ALK: variants seen among roughly 807,000 people sequenced by gnomAD.
ALK encodes ALK receptor tyrosine kinase.
Under a neutral mutation model 163.1 loss-of-function variants are expected in ALK, and 74 were observed. That is an observed-to-expected ratio of 0.45 (90% CI 0.38 to 0.55). The LOEUF (loss-of-function observed/expected upper bound fraction) is 0.55. Among genes scored for constraint, ALK ranks in the 20% least tolerant of loss-of-function variants. ALK has a pLI of 0.00. For missense variants in ALK, 2,063 were observed against 2,105.3 expected (o/e 0.98, Z 0.39); for synonymous variants, 960 against 843.2 (o/e 1.14, Z -2.40).
intron 7 of ALK, among the ~76,000 whole-genome samples, chr2:29,318,756 C>A (rs1054159013): frequency 6.6e-6 from 1 of 152,004 alleles, no homozygotes; most frequent in Non-Finnish European, 1.5e-5. Context: ...TTAGTAGAGA[C>A]GGGGTTTCAC....
At chr2:29,491,726 T>C (rs1671907329) in intron 4 of ALK, among the ~76,000 whole-genome samples, 1 of 152,306 alleles carries the variant, frequency 6.6e-6, no homozygotes, top group African/African-American at 2.4e-5. Flanking sequence ...CGTGTGTCCT[T>C]CTTTAACTGA....
At chr2:29,522,162 C>G (rs951752009) in intron 4 of ALK, among the ~76,000 whole-genome samples, 2 of 152,168 alleles carry the variant, frequency 1.3e-5, no homozygotes, top group African/African-American at 4.8e-5. Context: ...GGAGCAGGGA[C>G]AGTGGAGCTG....
intron 3 of ALK, among the ~76,000 whole-genome samples, chr2:29,574,990 A>T (rs1200525044): frequency 6.6e-6 from 1 of 152,310 alleles, no homozygotes; most frequent in East Asian, 1.9e-4. Flanking sequence ...AGGCAGGCAC[A>T]ACCAGCGGCA....
chr2:29,888,750 T>G lies in ALK; in HGVS notation c.667+31243A>C, dbSNP rs186053868. Among the ~76,000 whole-genome samples, 832 of 152,288 alleles carry G rather than the reference T, an allele frequency of 5.5e-3. 5 individuals carry two copies. The highest frequency in any genetic ancestry group is 7.9e-3 in the Non-Finnish European group (536 of 68,018). ...GAGTCCCTCTTACTATATCCAAAAT[T>G]TTTGCATCTTTTACATTTTCATTGA... On this transcript the variant is annotated intron_variant, in intron 1 of 28. Transcript: ENST00000389048.
intron 5 of ALK, among the ~76,000 whole-genome samples, chr2:29,370,536 A>C (rs541512961): frequency 6.6e-6 from 1 of 152,316 alleles, no homozygotes; most frequent in South Asian, 2.1e-4. Flanking sequence ...AATTTCACAA[A>C]CGATTGAAAG....
intron 4 of ALK, among the ~76,000 whole-genome samples, chr2:29,497,975 A>G (rs1479252126): frequency 6.6e-6 from 1 of 152,226 alleles, no homozygotes; most frequent in Non-Finnish European, 1.5e-5. Context: ...TATAATAAGT[A>G]ATAATAGTAG....
intron 22 of ALK, chr2:29,221,215 A>G (rs373306176): frequency 9.3e-6 from 5 of 538,766 alleles, no homozygotes; most frequent in East Asian, 8.4e-5. Context: ...AAGGTGAAGC[A>G]AAACAACTGC....
intron 2 of ALK, among the ~76,000 whole-genome samples, chr2:29,706,859 C>T (rs964324054): frequency 2.0e-5 from 3 of 152,110 alleles, no homozygotes; most frequent in Non-Finnish European, 2.9e-5. Context: ...AGTGAAGGGA[C>T]TTGGCCAAGG....
chr2:29,590,025 T>C (rs1350673212), intron 3 of ALK, among the ~76,000 whole-genome samples: 1 of 152,186 alleles, frequency 6.6e-6, no homozygotes, highest in Non-Finnish European at 1.5e-5. Context: ...TAGGGGAAAG[T>C]CACCCCTGGG....
intron 4 of ALK, among the ~76,000 whole-genome samples, chr2:29,507,166 A>G (rs1389886248): frequency 6.6e-6 from 1 of 152,252 alleles, no homozygotes; most frequent in Non-Finnish European, 1.5e-5. Flanking sequence ...AATGTGGTAT[A>G]TACATACAAT....
At chr2:29,514,417 G>A (rs1297143103) in intron 4 of ALK, among the ~76,000 whole-genome samples, 3 of 151,730 alleles carry the variant, frequency 2.0e-5, no homozygotes, top group East Asian at 1.9e-4. Context: ...ACCAAACACC[G>A]CATATTCTCA....
At chr2:29,249,373 C>T (rs757247950) in intron 12 of ALK, among the ~76,000 whole-genome samples, 1 of 152,146 alleles carries the variant, frequency 6.6e-6, no homozygotes, top group Non-Finnish European at 1.5e-5. Flanking sequence ...GGGTGTGTTG[C>T]CCAATATCCC....
At chr2:29,575,120 G>T (rs1463440408) in intron 3 of ALK, among the ~76,000 whole-genome samples, 2 of 152,064 alleles carry the variant, frequency 1.3e-5, no homozygotes, top group Non-Finnish European at 2.9e-5. Context: ...TCATGAAGTG[G>T]CCTCTCTAGG....
intron 3 of ALK, among the ~76,000 whole-genome samples, chr2:29,596,575 G>A (rs1380001772): frequency 6.6e-6 from 1 of 152,202 alleles, no homozygotes; most frequent in African/African-American, 2.4e-5. Context: ...GGGGTGTGTG[G>A]AGAGAGGAAA....
chr2:29,381,832 T>A (rs1028095144), intron 5 of ALK, among the ~76,000 whole-genome samples: 1 of 152,224 alleles, frequency 6.6e-6, no homozygotes, highest in Admixed American at 6.5e-5. Flanking sequence ...GAGTGTAATT[T>A]TAGGATGATT....
intron 3 of ALK, among the ~76,000 whole-genome samples, chr2:29,657,716 T>A (rs1237289469): frequency 6.6e-6 from 1 of 151,690 alleles, no homozygotes; most frequent in Non-Finnish European, 1.5e-5. Flanking sequence ...AGAAAGACAA[T>A]GAAAGACAAC....
intron 6 of ALK, among the ~76,000 whole-genome samples, chr2:29,321,622 T>C (rs1350723635): frequency 6.6e-6 from 1 of 152,226 alleles, no homozygotes; most frequent in Non-Finnish European, 1.5e-5. Flanking sequence ...AAAGTTCTTG[T>C]TCCTAAGGGT....
intron 3 of ALK, among the ~76,000 whole-genome samples, chr2:29,636,363 A>T (rs1305187977): frequency 4.4e-5 from 1 of 22,844 alleles, no homozygotes; most frequent in African/African-American, 8.3e-5. Flanking sequence ...AAAGAAAAGA[A>T]AAGAAAAGAA....
chr2:29,717,670 T>C lies in ALK; in HGVS notation c.695A>G (p.Asn232Ser). 1 of 1,614,078 alleles carries C rather than the reference T, an allele frequency of 6.2e-7. No individual in the cohort carries two copies. Among genetic ancestry groups the C allele is most frequent in the Non-Finnish European group, 8.5e-7 (1 of 1,179,956 alleles). Residue 232 changes from asparagine (N) to serine (S), a missense_variant, in exon 2 of 29, where the codon AAC (asparagine) becomes AGC (serine). Asn to Ser is a conservative substitution (Grantham distance 46). Coordinates refer to ENST00000389048, the MANE Select transcript of ALK (RefSeq NM_004304.5). ...TGHSSLESPTNMPSPSPDYFT... is the reference protein window; with the variant it reads ...TGHSSLESPTSMPSPSPDYFT... ...ATAATCAGGAGAAGGAGAAGGCATG[T>C]TTGTTGGTGATTCCAAGGAGCTATG...
Sources: allele counts gnomAD v4.1 joint callset (sites outside exome capture counted in the v4.1 genomes callset), GRCh38; gene constraint gnomAD v4.1.1; transcripts MANE v1.5; gene names NCBI Gene and HGNC (gene_info 2026-07-23, HGNC 2026-07-21).